Variants in ETV6 observed in about 807,000 individuals in gnomAD.
ETV6 encodes ETS variant transcription factor 6.
In ETV6, 16 loss-of-function variants were observed where a neutral mutation model predicts 51.1. The observed-to-expected ratio is 0.31, with a 90% CI of 0.21 to 0.48. ETV6 has a LOEUF of 0.48. Ranked by LOEUF, ETV6 falls within the 20% of genes least tolerant of loss-of-function variation. The pLI, the probability that ETV6 is intolerant of heterozygous loss-of-function variation, is 0.99. For synonymous variants in ETV6, 240 were observed against 224.1 expected (o/e 1.07, Z -0.64); for missense variants, 458 against 594.8 (o/e 0.77, Z 2.39).
chr12:11,752,661 G>A (rs966064131), intron 2 of ETV6, 82 bp downstream of exon 2: 4 of 1,520,214 alleles, frequency 2.6e-6, no homozygotes, highest in Non-Finnish European at 2.7e-6. Flanking sequence ...GGCCAGAGAG[G>A]GGCAAGCTCT....
chr12:11,665,225 CTGG>C (rs1381073426), intron 1 of ETV6, among the ~76,000 whole-genome samples: 5 of 152,208 alleles, frequency 3.3e-5, no homozygotes, highest in African/African-American at 1.2e-4. Context: ...TCTCAAACTC[CTGG>C]GCTCAAGTGA....
chr12:11,672,823 TC>T (rs1384319216), intron 1 of ETV6, among the ~76,000 whole-genome samples: 1 of 152,108 alleles, frequency 6.6e-6, no homozygotes, highest in Non-Finnish European at 1.5e-5. Flanking sequence ...GGAAGTAAGA[TC>T]CCCTTGGGGT....
chr12:11,845,132 A>G (rs1325862961), intron 3 of ETV6, among the ~76,000 whole-genome samples: 2 of 152,114 alleles, frequency 1.3e-5, no homozygotes, highest in East Asian at 3.9e-4. Flanking sequence ...CCCGGCCATC[A>G]TTTTATTTCT....
Position 11,874,658 on chromosome 12 carries a change from G to GTA in ETV6, c.1009+4693_1009+4694dup, listed in dbSNP as rs1555145782. On this transcript the variant is annotated intron_variant, in intron 5 of 7. Coordinates refer to ENST00000396373, the MANE Select transcript of ETV6 (RefSeq NM_001987.5). ...TGTGTGTGTATATACACATATGTGT[G>GTA]TATATGTATATATGTGTGTATATAT... 6.6e-4 allele frequency among the ~76,000 whole-genome samples: 9 copies of GTA among 13,538 alleles called. 1 individual carries two copies. The highest frequency in any genetic ancestry group is 1.8e-3 in the African/African-American group (9 of 5,072). The allele number at this position is 13,538 out of a possible 152,430, so 8.9% of individuals were successfully genotyped here.
At chr12:11,787,107 T>C (rs1945498529) in intron 2 of ETV6, among the ~76,000 whole-genome samples, 1 of 152,196 alleles carries the variant, frequency 6.6e-6, no homozygotes, top group African/African-American at 2.4e-5. Flanking sequence ...TAATTCTATA[T>C]TTGGAGACAA....
chr12:11,846,502 T>C (rs933166822), intron 3 of ETV6, among the ~76,000 whole-genome samples: 2 of 152,172 alleles, frequency 1.3e-5, no homozygotes, highest in African/African-American at 4.8e-5. Flanking sequence ...TCCAGCCTTC[T>C]GAGAACAAGT....
chr12:11,681,491 G>A (rs901858738), intron 1 of ETV6, among the ~76,000 whole-genome samples: 1 of 31,510 alleles, frequency 3.2e-5, no homozygotes, highest in Non-Finnish European at 8.3e-5. Context: ...CATTTTCACC[G>A]TTTAAGGTCT....
At chr12:11,702,371 A>G (rs118172393) in intron 1 of ETV6, among the ~76,000 whole-genome samples, 1,994 of 152,268 alleles carry the variant, frequency 0.013, 34 homozygotes, top group Admixed American at 0.053. Context: ...TATTATACCC[A>G]TAGTGGCAAG....
chr12:11,703,061 C>G (rs144351652), intron 1 of ETV6, among the ~76,000 whole-genome samples: 2 of 152,136 alleles, frequency 1.3e-5, no homozygotes, highest in Non-Finnish European at 2.9e-5. Flanking sequence ...GAGTCAAGAT[C>G]GTGCCACTGC....
chr12:11,890,637 C>T (rs979513456), intron 7 of ETV6, among the ~76,000 whole-genome samples: 3 of 151,702 alleles, frequency 2.0e-5, no homozygotes, highest in Admixed American at 6.6e-5. Context: ...GTTGCCCAAG[C>T]TGGTCTCAAA....
chr12:11,757,708 G>A (rs1168458139), intron 2 of ETV6, among the ~76,000 whole-genome samples: 2 of 152,196 alleles, frequency 1.3e-5, no homozygotes, highest in Non-Finnish European at 2.9e-5. Context: ...AGAGTTTCAT[G>A]GACTTGAAAG....
intron 2 of ETV6, 144 bp from the exon 3 acceptor site, chr12:11,838,996 G>A: frequency 1.2e-6 from 1 of 849,058 alleles, no homozygotes; most frequent in Non-Finnish European, 1.7e-6. Context: ...AAGGGCTGGA[G>A]AGGGGACTCA....
chr12:11,686,805 A>G (rs1329983245), intron 1 of ETV6, among the ~76,000 whole-genome samples: 2 of 152,202 alleles, frequency 1.3e-5, no homozygotes. Context: ...GGCGTGAGCC[A>G]CCGCACCTGG....
At chr12:11,757,360 T>A (rs1008272025) in intron 2 of ETV6, among the ~76,000 whole-genome samples, 1 of 152,134 alleles carries the variant, frequency 6.6e-6, no homozygotes, top group Admixed American at 6.5e-5. Flanking sequence ...TGAGAAGGGA[T>A]GCAGTGCCTC....
At chr12:11,816,646 GACTA>G (rs1945998949) in intron 2 of ETV6, among the ~76,000 whole-genome samples, 2 of 152,252 alleles carry the variant, frequency 1.3e-5, no homozygotes, top group Admixed American at 1.3e-4. Flanking sequence ...TGTATACAGA[GACTA>G]AGGAACTTGG....
At chr12:11,651,785 A>G (rs1384441953) in intron 1 of ETV6, among the ~76,000 whole-genome samples, 1 of 152,252 alleles carries the variant, frequency 6.6e-6, no homozygotes, top group Admixed American at 6.5e-5. Context: ...CTCAGTGGCA[A>G]TAAACCCGAC....
chr12:11,663,925 G>A (rs1200613418), intron 1 of ETV6, among the ~76,000 whole-genome samples: 2 of 152,194 alleles, frequency 1.3e-5, no homozygotes, highest in Non-Finnish European at 2.9e-5. Context: ...CAGCCACAGG[G>A]TATGAATCAA....
intron 2 of ETV6, among the ~76,000 whole-genome samples, chr12:11,758,657 C>T (rs969540778): frequency 7.2e-5 from 11 of 152,176 alleles, no homozygotes; most frequent in African/African-American, 2.4e-5. Context: ...TCAGCCTTCC[C>T]CACTCTTCTA....
chr12:11,739,264 G>A (rs1433532359), intron 1 of ETV6, among the ~76,000 whole-genome samples: 1 of 152,094 alleles, frequency 6.6e-6, no homozygotes, highest in Non-Finnish European at 1.5e-5. Context: ...GGGAAAAGAA[G>A]GAAAAGGAAC....
Sources: allele counts gnomAD v4.1 joint callset (sites outside exome capture counted in the v4.1 genomes callset), GRCh38; gene constraint gnomAD v4.1.1; transcripts MANE v1.5; gene names NCBI Gene and HGNC (gene_info 2026-07-23, HGNC 2026-07-21).